Variants in CD53 observed in about 807,000 individuals in gnomAD.
CD53 encodes CD53 molecule.
A neutral mutation model predicts 27.3 loss-of-function variants in CD53; 20 were observed. That is an observed-to-expected ratio of 0.73 (90% CI 0.52 to 1.07). CD53 has a LOEUF of 1.07. Among genes scored for constraint, CD53 ranks in the 50% least tolerant of loss-of-function variants. The pLI, the probability that CD53 is intolerant of heterozygous loss-of-function variation, is 0.00. For missense variants in CD53, 216 were observed against 264.0 expected, an observed-to-expected ratio of 0.82 and a Z score of 1.26; for synonymous variants, 106 against 105.3, an observed-to-expected ratio of 1.01 and a Z score of -0.04.
chr1:110,885,485 C>A (rs1315759122), intron 1 of CD53, among the ~76,000 whole-genome samples: 1 of 152,038 alleles, frequency 6.6e-6, no homozygotes, highest in Non-Finnish European at 1.5e-5. Flanking sequence ...TTGCAGTGAG[C>A]CGAGATCGCG....
At chr1:110,885,338 C>G (rs940799260) in intron 1 of CD53, among the ~76,000 whole-genome samples, 1 of 151,654 alleles carries the variant, frequency 6.6e-6, no homozygotes, top group Non-Finnish European at 1.5e-5. Context: ...ATCACAAGGT[C>G]AGGAGATCGA....
At chr1:110,877,750 T>C (rs1047150853) in intron 1 of CD53, among the ~76,000 whole-genome samples, 12 of 152,214 alleles carry the variant, frequency 7.9e-5, no homozygotes, top group Non-Finnish European at 1.3e-4. Flanking sequence ...AGATATTCCT[T>C]GATTAGTTGA....
chr1:110,899,080 G>C, intron 7 of CD53, 44 bp from the exon 8 acceptor site: 1 of 1,472,210 alleles, frequency 6.8e-7, no homozygotes, highest in Non-Finnish European at 9.5e-7. Context: ...GAAAGAAATG[G>C]CTTTTCTTAT....
At chr1:110,883,653 C>T (rs992631790) in intron 1 of CD53, among the ~76,000 whole-genome samples, 8 of 151,922 alleles carry the variant, frequency 5.3e-5, no homozygotes, top group Non-Finnish European at 8.8e-5. Flanking sequence ...TAGTAGAAAT[C>T]ATCAATAAGA....
At chr1:110,875,272 G>T (rs1656078015) in intron 1 of CD53, among the ~76,000 whole-genome samples, 1 of 152,174 alleles carries the variant, frequency 6.6e-6, no homozygotes, top group Admixed American at 6.5e-5. Flanking sequence ...GAAGTGGAAA[G>T]CCCTTTCTCC....
At chr1:110,892,685 T>C (rs1387260543) in intron 3 of CD53, 152 bp downstream of exon 3, 6 of 670,622 alleles carry the variant, frequency 8.9e-6, no homozygotes, top group South Asian at 3.7e-5. Context: ...CCCAGACCAA[T>C]AGTATATTAT....
At chr1:110,894,897 T>G in intron 4 of CD53, 63 bp from the exon 5 acceptor site, 1 of 1,263,882 alleles carries the variant, frequency 7.9e-7, no homozygotes. Context: ...TACTGGAAAT[T>G]CCTTATTCCT....
chr1:110,887,675 T>C (rs12117546), intron 1 of CD53, among the ~76,000 whole-genome samples: 97,348 of 152,042 alleles, frequency 0.64, 33,217 homozygotes, highest in Non-Finnish European at 0.77. Context: ...TTACTGAGGC[T>C]ACATCCTTCT....
At chr1:110,876,557 T>A (rs923537348) in intron 1 of CD53, among the ~76,000 whole-genome samples, 1 of 152,166 alleles carries the variant, frequency 6.6e-6, no homozygotes, top group African/African-American at 2.4e-5. Flanking sequence ...TAATGCCTCA[T>A]ATCTTTTAAA....
At chr1:110,879,756 C>T (rs1313468238) in intron 1 of CD53, among the ~76,000 whole-genome samples, 1 of 151,668 alleles carries the variant, frequency 6.6e-6, no homozygotes, top group Non-Finnish European at 1.5e-5. Context: ...AAAATAGAGA[C>T]AGGGTCTCTC....
chr1:110,874,613 T>C (rs775701042), intron 1 of CD53, among the ~76,000 whole-genome samples: 1 of 152,242 alleles, frequency 6.6e-6, no homozygotes, highest in Non-Finnish European at 1.5e-5. Context: ...GAGCAAAGAC[T>C]GAACTGAAAC....
Position 110,898,205 on chromosome 1 carries a change from G to A in CD53, c.588+313G>A, listed in dbSNP as rs552514459. Among the ~76,000 whole-genome samples, 441 of 151,832 alleles carry A rather than the reference G, an allele frequency of 2.9e-3. 2 individuals are homozygous for A. The highest frequency in any genetic ancestry group is 9.9e-3 in the African/African-American group (410 of 41,420). On this transcript the variant is annotated intron_variant, in intron 7 of 7. Coordinates refer to ENST00000271324, the MANE Select transcript of CD53 (RefSeq NM_000560.4). ...ATCCTGGCTAACATGGTGAAACCCC[G>A]TCTCTACTAAAAATACAAAAAATTA...
chr1:110,884,894 A>G (rs991037450), intron 1 of CD53, among the ~76,000 whole-genome samples: 1 of 151,936 alleles, frequency 6.6e-6, no homozygotes, highest in African/African-American at 2.4e-5. Context: ...TTTTCAATCC[A>G]TCTATTTATT....
At chr1:110,880,807 G>A (rs1428240122) in intron 1 of CD53, among the ~76,000 whole-genome samples, 1 of 152,078 alleles carries the variant, frequency 6.6e-6, no homozygotes, top group East Asian at 1.9e-4. Context: ...AAAACAAAAT[G>A]GTTAGTACAA....
chr1:110,882,993 A>T (rs777884119), intron 1 of CD53, among the ~76,000 whole-genome samples: 1 of 151,980 alleles, frequency 6.6e-6, no homozygotes, highest in Admixed American at 6.5e-5. Context: ...GACATTCATG[A>T]TATCTGTGAA....
intron 1 of CD53, among the ~76,000 whole-genome samples, chr1:110,890,208 T>C (rs1656796603): frequency 6.6e-6 from 1 of 152,166 alleles, no homozygotes; most frequent in Non-Finnish European, 1.5e-5. Context: ...CTGCTTGATA[T>C]ATCAGTCCTG....
At chr1:110,886,539 T>C (rs1475184221) in intron 1 of CD53, among the ~76,000 whole-genome samples, 1 of 152,156 alleles carries the variant, frequency 6.6e-6, no homozygotes, top group Non-Finnish European at 1.5e-5. Flanking sequence ...CTCATGATGC[T>C]CTGTTCATTT....
chr1:110,893,938 TCCAC>T (rs1656955010), intron 3 of CD53, among the ~76,000 whole-genome samples: 1 of 152,216 alleles, frequency 6.6e-6, no homozygotes, highest in Admixed American at 6.5e-5. Context: ...CCAGCAGTCC[TCCAC>T]CCAGAGGTAT....
intron 5 of CD53, among the ~76,000 whole-genome samples, chr1:110,895,825 A>T (rs1406011608): frequency 6.6e-6 from 1 of 152,216 alleles, no homozygotes; most frequent in Non-Finnish European, 1.5e-5. Flanking sequence ...GTGTCATCTC[A>T]TCTAATTCCC....
Sources: gnomAD v4.1 joint callset for allele counts (sites outside exome capture counted in the v4.1 genomes callset) on GRCh38, gnomAD v4.1.1 for gene constraint, MANE v1.5 for transcripts, NCBI Gene and HGNC (gene_info 2026-07-23, HGNC 2026-07-21) for gene names.